Variants in ARID1B observed in about 807,000 individuals in gnomAD.
ARID1B encodes the protein AT-rich interaction domain 1B.
ARID1B carries 30 observed loss-of-function variants against 212.3 expected under a neutral mutation model. The ratio of observed to expected loss-of-function variants is 0.14; its 90% CI spans 0.11 to 0.19. The LOEUF (loss-of-function observed/expected upper bound fraction) is 0.19, where lower values mean the gene tolerates loss of function less well. ARID1B is among the 10% of genes least tolerant of loss of function. ARID1B has a pLI of 1.00. For missense variants in ARID1B, 2,891 were observed against 3,204.0 expected (o/e 0.90, Z 2.36); for synonymous variants, 1,402 against 1,301.7 (o/e 1.08, Z -1.66).
At chr6:156,967,029 GGC>G (rs1396096494) in intron 4 of ARID1B, among the ~76,000 whole-genome samples, 2 of 152,054 alleles carry the variant, frequency 1.3e-5, no homozygotes, top group African/African-American at 4.8e-5. Context: ...CTCTTTTTCT[GGC>G]TTTTTCTTTT....
At chr6:156,948,655 G>T (rs1159580403) in intron 4 of ARID1B, among the ~76,000 whole-genome samples, 1 of 152,142 alleles carries the variant, frequency 6.6e-6, no homozygotes, top group Non-Finnish European at 1.5e-5. Flanking sequence ...GAAAAATTCA[G>T]TTATGTTTAG....
chr6:156,882,550 G>A (rs1248674326), intron 2 of ARID1B, among the ~76,000 whole-genome samples: 1 of 152,308 alleles, frequency 6.6e-6, no homozygotes. Flanking sequence ...CTATAAGGGT[G>A]CCTTGCCTTG....
intron 13 of ARID1B, among the ~76,000 whole-genome samples, chr6:157,187,560 A>T (rs535618759): frequency 3.3e-5 from 5 of 152,244 alleles, no homozygotes; most frequent in African/African-American, 1.2e-4. Flanking sequence ...CGGGTAAATT[A>T]TCTTCCCAGC....
intron 2 of ARID1B, among the ~76,000 whole-genome samples, chr6:156,893,709 A>C (rs139037279): frequency 1.5e-3 from 235 of 152,330 alleles, no homozygotes; most frequent in African/African-American, 5.5e-3. Flanking sequence ...GAGAAATGCA[A>C]ATTTCACAAT....
chr6:156,841,076 G>A (rs1783866283), intron 2 of ARID1B, among the ~76,000 whole-genome samples: 1 of 152,204 alleles, frequency 6.6e-6, no homozygotes, highest in Non-Finnish European at 1.5e-5. Context: ...TGCTGCTGGA[G>A]GGAAGAGAGT....
chr6:157,121,646 T>C (rs1413460232), intron 6 of ARID1B, among the ~76,000 whole-genome samples: 1 of 149,932 alleles, frequency 6.7e-6, no homozygotes, highest in Non-Finnish European at 1.5e-5. Flanking sequence ...TTTTTTTTTT[T>C]TGCTGAGACG....
At position 157,190,228 on chromosome 6, in the gene ARID1B, T is replaced by G; in HGVS notation, c.4231+18T>G. On this transcript the variant is annotated intron_variant, in intron 15 of 19. Coordinates refer to ENST00000636930, the MANE Select transcript of ARID1B (RefSeq NM_001374828.1). The surrounding 1 kb of genome is among the most constrained non-coding windows in gnomAD (Gnocchi z 4.6). Reference sequence around the variant, plus strand: ...GAGAAAAGGTACGTGTAGAGGGGCCTCCACCCGGCCATGGACCAGTGGGCA... The same window carrying G: ...GAGAAAAGGTACGTGTAGAGGGGCCGCCACCCGGCCATGGACCAGTGGGCA... 1 of 1,595,876 alleles carries G rather than the reference T, an allele frequency of 6.3e-7. No individual in the cohort carries two copies. Among genetic ancestry groups the G allele is most frequent in the Non-Finnish European group, 8.5e-7 (1 of 1,174,104 alleles).
intron 8 of ARID1B, among the ~76,000 whole-genome samples, chr6:157,164,161 C>T (rs1448793671): frequency 6.6e-6 from 1 of 152,218 alleles, no homozygotes; most frequent in African/African-American, 2.4e-5. Context: ...AGGACCAGAG[C>T]TCCCAGAGCT....
At chr6:157,036,445 T>G (rs1347160599) in intron 4 of ARID1B, 2 of 206,456 alleles carry the variant, frequency 9.7e-6, no homozygotes, top group Non-Finnish European at 2.0e-5. Flanking sequence ...ATAGTGAGAT[T>G]GCTCTACAAA....
At chr6:156,980,685 T>G (rs1294876012) in intron 4 of ARID1B, among the ~76,000 whole-genome samples, 2 of 152,024 alleles carry the variant, frequency 1.3e-5, no homozygotes, top group Non-Finnish European at 2.9e-5. Flanking sequence ...TGCAGGAGCC[T>G]GAGCAGGGAT....
chr6:157,010,459 A>T (rs1779528195), intron 4 of ARID1B, among the ~76,000 whole-genome samples: 1 of 151,762 alleles, frequency 6.6e-6, no homozygotes, highest in Non-Finnish European at 1.5e-5. Flanking sequence ...AGTAGCTGGG[A>T]TTACAGGCAA....
At position 156,897,258 on chromosome 6, in the gene ARID1B, C is replaced by CTTA. The variant is rs1181438273; in HGVS notation, c.1987-4116_1987-4115insATT. On this transcript the variant is annotated intron_variant, in intron 2 of 19. Transcript: ENST00000636930. ...TCTTCTTCTTCTTCTTCTTCTTCTTCTTCTTCTTATTATTATTATTATTAT... is the reference window on the plus strand; with the variant it reads ...TCTTCTTCTTCTTCTTCTTCTTCTTCTTATTCTTCTTATTATTATTATTATTAT... Among the ~76,000 whole-genome samples the CTTA allele has an allele frequency of 7.2e-3, 629 of 86,978 alleles. 4 individuals carry two copies. Among genetic ancestry groups the CTTA allele is most frequent in the Middle Eastern group, 0.011 (2 of 188 alleles). 57.1% of individuals were successfully genotyped at this position (86,978 alleles called of 152,430 possible).
At chr6:157,014,865 C>T (rs1779817793) in intron 4 of ARID1B, among the ~76,000 whole-genome samples, 1 of 145,184 alleles carries the variant, frequency 6.9e-6, no homozygotes, top group Non-Finnish European at 1.5e-5. Context: ...CTGTACTAGT[C>T]TCTGTATTAT....
chr6:157,044,057 A>G (rs541049515), intron 4 of ARID1B, among the ~76,000 whole-genome samples: 2 of 152,322 alleles, frequency 1.3e-5, no homozygotes, highest in African/African-American at 4.8e-5. Flanking sequence ...AACATTTGGA[A>G]TGATCTTATG....
intron 5 of ARID1B, among the ~76,000 whole-genome samples, chr6:157,105,256 A>G (rs1293676718): frequency 6.6e-6 from 1 of 152,204 alleles, no homozygotes; most frequent in Non-Finnish European, 1.5e-5. Flanking sequence ...CTTGGTGTAG[A>G]GAGAATAGCT....
intron 4 of ARID1B, among the ~76,000 whole-genome samples, chr6:157,062,712 T>A (rs1341831983): frequency 8.7e-5 from 13 of 148,742 alleles, no homozygotes; most frequent in African/African-American, 2.7e-4. Context: ...ATATATTTTT[T>A]TTTTTTTTGA....
At chr6:157,140,933 T>G (rs941694055) in intron 7 of ARID1B, 4 of 343,328 alleles carry the variant, frequency 1.2e-5, no homozygotes, top group Non-Finnish European at 2.1e-5. Flanking sequence ...TTTACTTGCC[T>G]GTTTCCTGCC....
intron 4 of ARID1B, among the ~76,000 whole-genome samples, chr6:157,046,135 T>C (rs1782227514): frequency 6.6e-6 from 1 of 152,252 alleles, no homozygotes; most frequent in South Asian, 2.1e-4. Flanking sequence ...TTTATGTATA[T>C]TTACCTGTAA....
intron 4 of ARID1B, among the ~76,000 whole-genome samples, chr6:156,975,613 C>CTTTTTTTTTTTT (rs367797338): frequency 4.5e-5 from 5 of 110,852 alleles, no homozygotes; most frequent in East Asian, 2.6e-4. Flanking sequence ...TTTTTTTTTT[C>CTTTTTTTTTTTT]TTTTTTTTTT....
Sources: allele counts gnomAD v4.1 joint callset (sites outside exome capture counted in the v4.1 genomes callset), GRCh38; gene constraint gnomAD v4.1.1; non-coding constraint Gnocchi (gnomAD v3.1); transcripts MANE v1.5; gene names NCBI Gene and HGNC (gene_info 2026-07-23, HGNC 2026-07-21).